Variants in TDRD9 observed in about 807,000 individuals in gnomAD.
The protein encoded by TDRD9 is ATP-dependent RNA helicase TDRD9.
TDRD9 carries 124 observed loss-of-function variants against 172.6 expected under a neutral mutation model. The observed-to-expected ratio is 0.72, with a 90% CI of 0.62 to 0.83. TDRD9 has a LOEUF of 0.83. Ranked by LOEUF, TDRD9 falls within the 40% of genes least tolerant of loss-of-function variation. The pLI is 0.00. For synonymous variants in TDRD9, 619 were observed against 617.1 expected, an observed-to-expected ratio of 1.00 and a Z score of -0.05; for missense variants, 1,479 against 1,714.1, an observed-to-expected ratio of 0.86 and a Z score of 2.42.
At chr14:104,004,456 C>G in intron 14 of TDRD9, 121 bp downstream of exon 14, 1 of 521,496 alleles carries the variant, frequency 1.9e-6, no homozygotes, top group East Asian at 3.2e-5. Flanking sequence ...TCTTGGCTCA[C>G]TGCAATCTGC....
chr14:104,046,695 G>T (rs2035788043), intron 34 of TDRD9, among the ~76,000 whole-genome samples: 1 of 151,832 alleles, frequency 6.6e-6, no homozygotes, highest in Non-Finnish European at 1.5e-5. Flanking sequence ...GCCCAGGCTG[G>T]AGTGCAGTGG....
rs1226844332 is a variant in TDRD9 at position 103,952,721 on chromosome 14, T to TTC, written c.216-2935_216-2934dup. On this transcript the variant is annotated intron_variant, in intron 1 of 35. Coordinates refer to ENST00000409874, the MANE Select transcript of TDRD9 (RefSeq NM_153046.3). ...TTCTTATCTTAGTGATTTATAGGAA[T>TTC]TCTCTCTCTTTTTTTTTTTTTTTTT... Among the ~76,000 whole-genome samples, 39 of 135,784 alleles carry TTC rather than the reference T, an allele frequency of 2.9e-4. 1 individual carries two copies. The highest frequency in any genetic ancestry group is 7.1e-4 in the African/African-American group (26 of 36,726). The allele number at this position is 135,784 out of a possible 152,430, so 89.1% of individuals were successfully genotyped here.
At chr14:104,021,789 T>C (rs1411423108) in intron 23 of TDRD9, among the ~76,000 whole-genome samples, 1 of 152,260 alleles carries the variant, frequency 6.6e-6, no homozygotes, top group African/African-American at 2.4e-5. Flanking sequence ...GTATCTGTTT[T>C]ATTTTATGAT....
At chr14:104,017,969 G>T (rs2034841191) in intron 22 of TDRD9, 123 bp from the exon 23 acceptor site, 1 of 641,602 alleles carries the variant, frequency 1.6e-6, no homozygotes, top group African/African-American at 1.8e-5. Flanking sequence ...ATATATTATG[G>T]TTAAAGATAG....
At chr14:104,051,938 C>T (rs1311352061) in intron 35 of TDRD9, 43 bp from the exon 36 acceptor site, 2 of 1,334,400 alleles carry the variant, frequency 1.5e-6, no homozygotes, top group African/African-American at 1.5e-5. Flanking sequence ...TCTGGAAAAG[C>T]CCTGTCACAG....
chr14:103,931,740 G>A (rs1355005036), intron 1 of TDRD9, among the ~76,000 whole-genome samples: 2 of 152,178 alleles, frequency 1.3e-5, no homozygotes, highest in Non-Finnish European at 2.9e-5. Flanking sequence ...TGTAATTAAG[G>A]TTACAGATCA....
intron 31 of TDRD9, among the ~76,000 whole-genome samples, chr14:104,034,667 C>T (rs960453043): frequency 1.3e-5 from 2 of 152,190 alleles, no homozygotes; most frequent in Admixed American, 6.5e-5. Context: ...AAGCTCTTGG[C>T]CCTGGGAAAA....
At chr14:104,021,013 A>G (rs1207911723) in intron 23 of TDRD9, among the ~76,000 whole-genome samples, 5 of 152,074 alleles carry the variant, frequency 3.3e-5, no homozygotes, top group Admixed American at 3.3e-4. Flanking sequence ...TCGGTGCTAT[A>G]AAGAAATACC....
At chr14:103,952,122 ATATATACACGTATATATATATATG>A (rs2031908568) in intron 1 of TDRD9, among the ~76,000 whole-genome samples, 1 of 103,936 alleles carries the variant, frequency 9.6e-6, no homozygotes, top group Admixed American at 9.6e-5. Context: ...TTTATGTTAT[ATATATACACGTATATATATATATG>A]TATATACGTG....
At chr14:103,953,225 A>T (rs1301218887) in intron 1 of TDRD9, among the ~76,000 whole-genome samples, 2 of 152,088 alleles carry the variant, frequency 1.3e-5, no homozygotes, top group Non-Finnish European at 2.9e-5. Flanking sequence ...TGATACTTCC[A>T]GCTCTTCTCC....
chr14:103,982,371 C>G (rs2033506649), intron 7 of TDRD9, among the ~76,000 whole-genome samples: 1 of 152,202 alleles, frequency 6.6e-6, no homozygotes, highest in Admixed American at 6.5e-5. Flanking sequence ...CCTGTTGCCA[C>G]TCAGACTGCA....
rs2034469143 is a variant in TDRD9 at position 104,007,214 on chromosome 14, C to A, written c.2052+10C>A. On this transcript the variant is annotated intron_variant, in intron 19 of 35. Coordinates refer to ENST00000409874, the MANE Select transcript of TDRD9 (RefSeq NM_153046.3). ...GCTGCGGTACCCGAAGGTTGGTGAG[C>A]CCTTTCCTGCTGCTTTCTAGATGGC... The A allele has an allele frequency of 6.2e-7, 1 of 1,613,282 alleles. No homozygotes were observed.
chr14:104,040,304 C>T lies in TDRD9; in HGVS notation c.3825C>T (p.Asp1275=), dbSNP rs766938403. 1.5e-5 allele frequency: 23 copies of T among 1,551,124 alleles called. No individual in the cohort carries two copies. The highest frequency in any genetic ancestry group is 5.9e-5 in the Admixed American group (3 of 50,894). ...LPEHDMELAF[D]VQFSVEDVVE... ...AGCACGACATGGAGCTTGCGTTTGA[C>T]GTTCAATTCAGCGTGGAGGATGTCG... Residue 1275 remains aspartate, a synonymous_variant, in exon 33 of 36, where the codon GAC becomes GAT. Coordinates refer to ENST00000409874, the MANE Select transcript of TDRD9 (RefSeq NM_153046.3).
chr14:103,943,484 TACACACATATATACAC>T (rs1440457714), intron 1 of TDRD9, among the ~76,000 whole-genome samples: 1 of 150,390 alleles, frequency 6.6e-6, no homozygotes, highest in African/African-American at 2.4e-5. Context: ...ACATATATAA[TACACACATATATACAC>T]ACACACATAC....
intron 32 of TDRD9, among the ~76,000 whole-genome samples, chr14:104,039,682 C>T (rs1350142304): frequency 2.6e-5 from 4 of 152,104 alleles, no homozygotes; most frequent in African/African-American, 4.8e-5. Flanking sequence ...GGTGACAGGA[C>T]GTGCCAGTGG....
At chr14:103,935,872 G>T (rs147060952) in intron 1 of TDRD9, among the ~76,000 whole-genome samples, 3 of 152,184 alleles carry the variant, frequency 2.0e-5, no homozygotes, top group African/African-American at 7.2e-5. Flanking sequence ...ACTTATTAAG[G>T]GTACAGATTA....
intron 32 of TDRD9, among the ~76,000 whole-genome samples, chr14:104,038,664 C>T (rs1596021876): frequency 6.6e-6 from 1 of 152,084 alleles, no homozygotes; most frequent in East Asian, 1.9e-4. Flanking sequence ...AGCCAGGTGG[C>T]AGCTGTCCCT....
chr14:104,022,972 G>A (rs2035008144), intron 24 of TDRD9, among the ~76,000 whole-genome samples: 1 of 151,602 alleles, frequency 6.6e-6, no homozygotes, highest in South Asian at 2.1e-4. Context: ...TTGAGGTCAG[G>A]AGTTCAAAAC....
At chr14:104,006,182 C>G (rs2034431852) in intron 15 of TDRD9, among the ~76,000 whole-genome samples, 1 of 151,708 alleles carries the variant, frequency 6.6e-6, no homozygotes, top group African/African-American at 2.4e-5. Flanking sequence ...CAGGATCATA[C>G]TTTTAAAAAA....
Sources: gnomAD v4.1 joint callset for allele counts (sites outside exome capture counted in the v4.1 genomes callset) on GRCh38, gnomAD v4.1.1 for gene constraint, MANE v1.5 for transcripts, NCBI Gene and HGNC (gene_info 2026-07-23, HGNC 2026-07-21) for gene names.